The following TENT5D variants were observed in gnomAD, a reference collection of about 807,000 sequenced individuals.
The protein encoded by TENT5D is cancer/testis antigen 112.
For missense variants in TENT5D, 191 were observed against 287.0 expected (o/e 0.67, Z 2.42); for synonymous variants, 103 against 100.6 (o/e 1.02, Z -0.15).
At chrX:80,412,009 C>T (rs1391769495) in intron 3 of TENT5D, among the ~76,000 whole-genome samples, 1 of 112,429 alleles carries the variant, frequency 8.9e-6, no homozygotes, top group Non-Finnish European at 1.9e-5. Flanking sequence ...GGCCCCACCC[C>T]TGGAGCAAAC....
intron 3 of TENT5D, among the ~76,000 whole-genome samples, chrX:80,402,489 A>G (rs1403211610): frequency 1.8e-5 from 2 of 111,605 alleles, no homozygotes; most frequent in East Asian, 2.8e-4. Context: ...ACATTAACTT[A>G]TTTACTTGCA....
intron 3 of TENT5D, among the ~76,000 whole-genome samples, chrX:80,410,129 C>A (rs1395168163): frequency 1.9e-5 from 2 of 105,298 alleles, no homozygotes; most frequent in Middle Eastern, 4.8e-3. Context: ...AGACCTAAAA[C>A]CATAAAAACC....
intron 3 of TENT5D, among the ~76,000 whole-genome samples, chrX:80,343,850 G>A (rs1930008334): frequency 9.0e-6 from 1 of 111,280 alleles, no homozygotes; most frequent in Non-Finnish European, 1.9e-5. Context: ...TGTTACATGG[G>A]TAAATAGCAA....
intron 3 of TENT5D, among the ~76,000 whole-genome samples, chrX:80,407,847 G>T (rs763895128): frequency 0.015 from 1,558 of 106,629 alleles, 14 homozygotes; most frequent in Non-Finnish European, 0.025. Flanking sequence ...CCACATAGTT[G>T]GAAGTAAAGC....
At chrX:80,370,526 G>A (rs1378684993) in intron 3 of TENT5D, among the ~76,000 whole-genome samples, 2 of 111,608 alleles carry the variant, frequency 1.8e-5, no homozygotes, top group East Asian at 5.6e-4. Context: ...CATATTATAT[G>A]CAATTTTGCA....
chrX:80,437,658 TTTAA>T (rs1220570120), intron 1 of TENT5D, among the ~76,000 whole-genome samples: 2 of 111,622 alleles, frequency 1.8e-5, no homozygotes, highest in African/African-American at 6.5e-5. Context: ...TAAATCATTG[TTTAA>T]TTAAATACTG....
At chrX:80,381,810 A>G (rs935324878) in intron 3 of TENT5D, among the ~76,000 whole-genome samples, 36 of 111,772 alleles carry the variant, frequency 3.2e-4, no homozygotes, top group African/African-American at 1.1e-3. Flanking sequence ...CAGCTCCATC[A>G]GGTCATTTAA....
At chrX:80,379,121 G>A (rs1930798518) in intron 3 of TENT5D, among the ~76,000 whole-genome samples, 1 of 99,664 alleles carries the variant, frequency 1.0e-5, no homozygotes, top group African/African-American at 3.7e-5. Flanking sequence ...TTCTCTTGCA[G>A]AAAAGGCCTT....
chrX:80,356,605 A>G (rs965324852), intron 3 of TENT5D, among the ~76,000 whole-genome samples: 1 of 111,604 alleles, frequency 9.0e-6, no homozygotes, highest in African/African-American at 3.2e-5. Flanking sequence ...AGAGAAATGT[A>G]TTATCCTAAC....
At chrX:80,362,297 G>A (rs902605652) in intron 3 of TENT5D, among the ~76,000 whole-genome samples, 1 of 110,742 alleles carries the variant, frequency 9.0e-6, no homozygotes, top group African/African-American at 3.3e-5. Flanking sequence ...CCGAGTAGCT[G>A]GGACTACAGG....
chrX:80,369,052 A>G (rs1930567387), intron 3 of TENT5D, among the ~76,000 whole-genome samples: 1 of 111,890 alleles, frequency 8.9e-6, no homozygotes, highest in Non-Finnish European at 1.9e-5. Context: ...GAAAACCCAG[A>G]GATATAAAAT....
chrX:80,428,632 T>C (rs1489178948), intron 1 of TENT5D, among the ~76,000 whole-genome samples: 1 of 112,373 alleles, frequency 8.9e-6, no homozygotes, highest in Non-Finnish European at 1.9e-5. Context: ...GAGTGAGTTT[T>C]ATCTGCTCGA....
chrX:80,383,235 G>A (rs752160722), intron 3 of TENT5D, among the ~76,000 whole-genome samples: 163 of 112,012 alleles, frequency 1.5e-3, no homozygotes, highest in African/African-American at 5.0e-3. Context: ...GACATTCCAC[G>A]ATTTTAGAGA....
chrX:80,399,447 C>CT (rs1319294297), intron 3 of TENT5D, among the ~76,000 whole-genome samples: 1 of 111,799 alleles, frequency 8.9e-6, no homozygotes, highest in Non-Finnish European at 1.9e-5. Context: ...TCTAGGCTTT[C>CT]TTTTTTTCCC....
chrX:80,374,816 T>A (rs1930694163), intron 3 of TENT5D, among the ~76,000 whole-genome samples: 1 of 111,229 alleles, frequency 9.0e-6, no homozygotes, highest in Non-Finnish European at 1.9e-5. Context: ...AGATTACAGA[T>A]TTTTTTGGAC....
chrX:80,356,672 A>G (rs909646320), intron 3 of TENT5D, among the ~76,000 whole-genome samples: 3 of 112,084 alleles, frequency 2.7e-5, no homozygotes, highest in African/African-American at 9.7e-5. Flanking sequence ...AATATAGTTA[A>G]GTATTAAAGG....
intron 1 of TENT5D, among the ~76,000 whole-genome samples, chrX:80,424,651 T>C (rs1931955205): frequency 8.9e-6 from 1 of 112,533 alleles, no homozygotes; most frequent in Non-Finnish European, 1.9e-5. Flanking sequence ...ATGATAACTT[T>C]TGAAACATAA....
intron 3 of TENT5D, among the ~76,000 whole-genome samples, chrX:80,397,002 C>T (rs1357850224): frequency 1.1e-5 from 1 of 92,018 alleles, no homozygotes; most frequent in Non-Finnish European, 2.2e-5. Context: ...CCTCACCTCC[C>T]GGACGGGGCG....
rs73630383 is a variant in TENT5D at position 80,380,893 on chromosome X, G to C, written c.-142+38329G>C. On this transcript the variant is annotated intron_variant, in intron 3 of 4. Coordinates refer to the TENT5D transcript ENST00000538312. ...GGTCTCCTGAATACAGCACACTGAT[G>C]GGTCTTGAATCTTTATCCAATTTTT... Among the ~76,000 whole-genome samples the C allele has an allele frequency of 4.2e-3, 472 of 111,465 alleles. 2 individuals carry two copies. Among genetic ancestry groups the C allele is most frequent in the African/African-American group, 0.014 (443 of 30,653 alleles).
Sources: gnomAD v4.1 joint callset for allele counts (sites outside exome capture counted in the v4.1 genomes callset) on GRCh38, gnomAD v4.1.1 for gene constraint, MANE v1.5 for transcripts, NCBI Gene and HGNC (gene_info 2026-07-23, HGNC 2026-07-21) for gene names.